The following FAM120B variants were observed in gnomAD, a reference collection of about 807,000 sequenced individuals.
FAM120B encodes constitutive coactivator of peroxisome proliferator-activated receptor gamma.
A neutral mutation model predicts 96.3 loss-of-function variants in FAM120B; 83 were observed. That is an observed-to-expected ratio of 0.86 (90% CI 0.72 to 1.03). The LOEUF is 1.03. Among genes scored for constraint, FAM120B ranks in the 50% least tolerant of loss-of-function variants. The pLI is 0.00. For missense variants in FAM120B, 1,027 were observed against 1,121.2 expected (o/e 0.92, Z 1.20); for synonymous variants, 407 against 402.7 (o/e 1.01, Z -0.13).
At chr6:170,354,664 C>G (rs1278126723) in intron 5 of FAM120B, among the ~76,000 whole-genome samples, 1 of 152,136 alleles carries the variant, frequency 6.6e-6, no homozygotes, top group Admixed American at 6.5e-5. Context: ...TGGCTGATGC[C>G]TGTAATCCCA....
chr6:170,371,904 C>G (rs988258008), intron 6 of FAM120B, among the ~76,000 whole-genome samples: 13 of 152,218 alleles, frequency 8.5e-5, no homozygotes, highest in Non-Finnish European at 1.6e-4. Flanking sequence ...AACCGAGGGC[C>G]TGGCTCAGGA....
upstream of FAM120B, among the ~76,000 whole-genome samples, chr6:170,303,370 G>A (rs754027412): frequency 6.6e-6 from 1 of 152,120 alleles, no homozygotes; most frequent in African/African-American, 2.4e-5. Context: ...CTCCTAAGTA[G>A]CTGGGACTAC....
At chr6:170,404,398 A>ATGGCATG (rs1778728316) in intron 9 of FAM120B, 152 bp from the exon 10 acceptor site, 14 of 596,928 alleles carry the variant, frequency 2.3e-5, no homozygotes, top group Non-Finnish European at 3.2e-5. Flanking sequence ...CACAGTTTTA[A>ATGGCATG]TGGCATGTGG....
At chr6:170,291,788 CGGGGGCCG>C (rs1783883415), upstream of FAM120B, among the ~76,000 whole-genome samples, 1 of 152,082 alleles carries the variant, frequency 6.6e-6, no homozygotes, top group Non-Finnish European at 1.5e-5. Context: ...AGTAGGGGCC[CGGGGGCCG>C]GACAGCATAT....
rs80293683 is a variant in FAM120B at position 170,296,895 on chromosome 6, A to T, written c.48+1442A>T. Among the ~76,000 whole-genome samples, 46 of 152,236 alleles carry T rather than the reference A, an allele frequency of 3.0e-4. No homozygotes were observed. The East Asian group carries it at 7.8e-3, about 26-fold the overall frequency. ...TGGAAATCGCAGCCTGTGACTTTGT[A>T]AAAAAGTGAATGGGGAAGAAAAGGC... On this transcript the variant is annotated intron_variant, in intron 1 of 10. Coordinates refer to the FAM120B transcript ENST00000537664.
chr6:170,316,058 C>CAAAAA (rs35344814), intron 1 of FAM120B, among the ~76,000 whole-genome samples: 7 of 91,808 alleles, frequency 7.6e-5, no homozygotes, highest in East Asian at 3.1e-4. Flanking sequence ...GACCCGGTCT[C>CAAAAA]AAAAAAAAAA....
Position 170,318,216 on chromosome 6 carries a change from T to G in FAM120B, c.826T>G (p.Tyr276Asp). Residue 276 changes from tyrosine (Y) to aspartate (D), a missense_variant, in exon 2 of 11, where the codon TAC (tyrosine) becomes GAC (aspartate). Around this residue, in one of 3 missense-constraint regions of FAM120B, gnomAD observed 880 missense variants for 980.9 expected, o/e 0.90. Coordinates refer to ENST00000476287, the MANE Select transcript of FAM120B (RefSeq NM_032448.3). ...AVSDHISKVL[Y>D]LYQGEKKLEE... The stretch of plus-strand genomic sequence containing the variant: ...GTCAGACCATATATCGAAAGTTCTT[T>G]ACTTGTATCAAGGTGAGAAAAAATT... The G allele has an allele frequency of 6.2e-7, 1 of 1,613,842 alleles. No individual in the cohort carries two copies. Among genetic ancestry groups the G allele is most frequent in the Non-Finnish European group, 8.5e-7 (1 of 1,179,948 alleles).
At chr6:170,399,587 T>G (rs1778424570) in intron 9 of FAM120B, among the ~76,000 whole-genome samples, 1 of 149,766 alleles carries the variant, frequency 6.7e-6, no homozygotes, top group Non-Finnish European at 1.5e-5. Flanking sequence ...GTCATAACCC[T>G]TAGGAGTGAG....
At chr6:170,337,329 C>T (rs769105431) in intron 4 of FAM120B, among the ~76,000 whole-genome samples, 42 of 152,188 alleles carry the variant, frequency 2.8e-4, no homozygotes, top group African/African-American at 6.7e-4. Context: ...TGATTGATTA[C>T]GCTTATTAAT....
intron 9 of FAM120B, among the ~76,000 whole-genome samples, chr6:170,398,046 G>C (rs1778281500): frequency 6.6e-6 from 1 of 152,234 alleles, no homozygotes; most frequent in African/African-American, 2.4e-5. Flanking sequence ...AGTCAAGAGA[G>C]TCCACAGTCC....
rs1007722609 is a variant in FAM120B at position 170,295,760 on chromosome 6, C to T, written c.48+307C>T. On this transcript the variant is annotated intron_variant, in intron 1 of 10. Transcript: ENST00000537664. This position sits in a 1 kb window ranked among gnomAD's most constrained non-coding sequence, Gnocchi z 7.8. ...CAGAGAACAGGAAGACGGGCTCCAA[C>T]CCCACCTGGTTCGTGTCGGGGGGTC... Among the ~76,000 whole-genome samples the T allele has an allele frequency of 2.0e-5, 3 of 152,122 alleles. No individual in the cohort carries two copies. The highest frequency in any genetic ancestry group is 4.4e-5 in the Non-Finnish European group (3 of 68,002).
chr6:170,318,479 A>T lies in FAM120B; in HGVS notation c.1089A>T (p.Arg363=). The T allele has an allele frequency of 6.3e-7, 1 of 1,587,004 alleles. No individual in the cohort carries two copies. Among genetic ancestry groups the T allele is most frequent in the East Asian group, 2.4e-5 (1 of 41,852 alleles). ...TGTGTACAGGCCCTGAATCCAGGCG[A>T]GAAGTTCCCGTGTATACAGATTCTG... The part of the protein sequence containing the change: ...VPMCTGPESR[R]EVPVYTDSEP... Residue 363 remains arginine, a synonymous_variant, in exon 2 of 11, where the codon CGA becomes CGT. Coordinates refer to ENST00000476287, the MANE Select transcript of FAM120B (RefSeq NM_032448.3).
At chr6:170,397,831 G>C (rs1778261794) in intron 9 of FAM120B, among the ~76,000 whole-genome samples, 2 of 152,180 alleles carry the variant, frequency 1.3e-5, no homozygotes, top group South Asian at 4.1e-4. Context: ...TGAGGATTCA[G>C]CAGAACCCAC....
rs1187614169 is a variant in FAM120B at position 170,382,259 on chromosome 6, A to C, written c.2284-6028A>C. Among the ~76,000 whole-genome samples, 4 of 152,258 alleles carry C rather than the reference A, an allele frequency of 2.6e-5. No individual in the cohort carries two copies. In the South Asian group the frequency reaches 8.3e-4, roughly 32 times the overall value. ...AACATAGTAAGACCCCCATCTCTAC[A>C]AAAAATTGAAAAATTAGCTGGATGT... On this transcript the variant is annotated intron_variant, in intron 6 of 10. Coordinates refer to ENST00000476287, the MANE Select transcript of FAM120B (RefSeq NM_032448.3).
At chr6:170,301,370 G>C (rs879517818) in intron 1 of FAM120B, among the ~76,000 whole-genome samples, 1 of 152,248 alleles carries the variant, frequency 6.6e-6, no homozygotes, top group African/African-American at 2.4e-5. Context: ...GAAAGGGGGG[G>C]CCTGGGCCTT....
chr6:170,291,039 T>C (rs1447193953), upstream of FAM120B: 4 of 699,546 alleles, frequency 5.7e-6, no homozygotes, highest in South Asian at 4.4e-5. Context: ...AGGAGCCACT[T>C]TTCCAAACCC....
At chr6:170,325,359 T>C (rs1392438311) in intron 3 of FAM120B, among the ~76,000 whole-genome samples, 1 of 152,158 alleles carries the variant, frequency 6.6e-6, no homozygotes, top group Non-Finnish European at 1.5e-5. Context: ...GTCTCTCTTT[T>C]AATTGGAATG....
At chr6:170,382,181 G>A (rs1789944075) in intron 6 of FAM120B, among the ~76,000 whole-genome samples, 2 of 152,204 alleles carry the variant, frequency 1.3e-5, no homozygotes, top group Non-Finnish European at 2.9e-5. Flanking sequence ...AGCACTTTGG[G>A]AGGCTGAATT....
intron 5 of FAM120B, among the ~76,000 whole-genome samples, chr6:170,357,295 A>G (rs1406458909): frequency 1.3e-5 from 2 of 151,920 alleles, no homozygotes; most frequent in African/African-American, 4.8e-5. Context: ...CTGGGAGAGG[A>G]ATGTCTCTAC....
Sources: gnomAD v4.1 joint callset for allele counts (sites outside exome capture counted in the v4.1 genomes callset) on GRCh38, gnomAD v4.1.1 for gene constraint, gnomAD v4.1.1 regional missense constraint, Gnocchi (gnomAD v3.1) non-coding constraint, MANE v1.5 for transcripts, NCBI Gene and HGNC (gene_info 2026-07-23, HGNC 2026-07-21) for gene names.